Variants in MAPK14 observed in about 807,000 individuals in gnomAD.
MAPK14 encodes the protein CSAID-binding protein.
A neutral mutation model predicts 49.6 loss-of-function variants in MAPK14; 16 were observed. That is an observed-to-expected ratio of 0.32 (90% CI 0.22 to 0.49). The LOEUF (loss-of-function observed/expected upper bound fraction) is 0.49, where lower values mean the gene tolerates loss of function less well. Ranked by LOEUF, MAPK14 falls within the 20% of genes least tolerant of loss-of-function variation. MAPK14 has a pLI of 0.99. For missense variants in MAPK14, 200 were observed against 441.2 expected (o/e 0.45, Z 4.90); for synonymous variants, 142 against 158.0 (o/e 0.90, Z 0.76).
At chr6:36,038,376 G>A (rs1209738898) in intron 1 of MAPK14, among the ~76,000 whole-genome samples, 1 of 152,190 alleles carries the variant, frequency 6.6e-6, no homozygotes, top group African/African-American at 2.4e-5. Flanking sequence ...GCCAAATATA[G>A]GGAGAAAAGT....
At chr6:36,078,230 A>G (rs1764608233) in intron 8 of MAPK14, among the ~76,000 whole-genome samples, 2 of 152,212 alleles carry the variant, frequency 1.3e-5, no homozygotes, top group Admixed American at 1.3e-4. Context: ...TAATAATCAT[A>G]CATACTCACA....
At chr6:36,086,091 A>G (rs1764974532) in intron 8 of MAPK14, among the ~76,000 whole-genome samples, 1 of 152,224 alleles carries the variant, frequency 6.6e-6, no homozygotes, top group Non-Finnish European at 1.5e-5. Context: ...CGGAAATCAG[A>G]AGTTCTTTGA....
chr6:36,110,135 A>G lies in MAPK14; in HGVS notation c.*1688A>G, dbSNP rs914022905. On this transcript the variant is annotated 3_prime_UTR_variant, in exon 12 of 12. Transcript: ENST00000229794. ...TTCTACATGAGGACTCATATATTTA[A>G]GCCTTTTGTGTAATAAGAAAGTATA... The G allele has an allele frequency of 2.0e-5, 3 of 152,240 alleles. No homozygotes were observed. The highest frequency in any genetic ancestry group is 7.2e-5 in the African/African-American group (3 of 41,456). 9.4% of individuals were successfully genotyped at this position (152,240 alleles called of 1,614,324 possible). A position where few individuals can be genotyped will look rare whatever the true frequency, so the allele number is the denominator to read the frequency against.
intron 9 of MAPK14, chr6:36,097,410 C>T (rs1409853479): frequency 2.0e-5 from 3 of 152,074 alleles, no homozygotes; most frequent in Non-Finnish European, 4.4e-5. Flanking sequence ...TTTTTTTCTC[C>T]TTTATGATAT....
At chr6:36,073,381 A>G (rs1239426173) in intron 4 of MAPK14, among the ~76,000 whole-genome samples, 1 of 152,204 alleles carries the variant, frequency 6.6e-6, no homozygotes, top group Admixed American at 6.5e-5. Flanking sequence ...AGACTAATTT[A>G]TTTGTTGGAG....
chr6:36,073,830 A>G (rs1453612650), intron 5 of MAPK14, 110 bp downstream of exon 5: 1 of 1,174,788 alleles, frequency 8.5e-7, no homozygotes, highest in Non-Finnish European at 1.2e-6. Flanking sequence ...ATGTTGATTG[A>G]TTGCAACTTT....
chr6:36,059,371 C>T, intron 3 of MAPK14, 24 bp downstream of exon 3: 1 of 1,554,068 alleles, frequency 6.4e-7, no homozygotes, highest in Non-Finnish European at 8.9e-7. Flanking sequence ...TTGCATTTGC[C>T]TTCCTGGTCT....
chr6:36,045,981 A>C (rs1763164385), intron 1 of MAPK14, among the ~76,000 whole-genome samples: 2 of 152,176 alleles, frequency 1.3e-5, no homozygotes, highest in Admixed American at 6.5e-5. Context: ...TACATCAATA[A>C]ATTTAGAAGT....
Position 36,039,007 on chromosome 6 carries a change from C to G in MAPK14, c.116+10734C>G, listed in dbSNP as rs567811908. On this transcript the variant is annotated intron_variant, in intron 1 of 11. Coordinates refer to ENST00000229794, the MANE Select transcript of MAPK14 (RefSeq NM_139012.3). The stretch of plus-strand genomic sequence containing the variant: ...TGCTTTACATTCCTCTGCCTTTTCC[C>G]CATTATAATACTTTTAGTAGAGGTT... Among the ~76,000 whole-genome samples the G allele has an allele frequency of 7.9e-5, 12 of 152,200 alleles. No individual in the cohort carries two copies. In the South Asian group the frequency reaches 2.5e-3, roughly 32 times the overall value.
rs527562570 is a variant in MAPK14 at position 36,107,792 on chromosome 6, C to G, written c.1015+164C>G. Among the ~76,000 whole-genome samples the G allele has an allele frequency of 6.6e-6, 1 of 152,364 alleles. No individual in the cohort carries two copies. Among genetic ancestry groups the G allele is most frequent in the South Asian group, 2.1e-4 (1 of 4,832 alleles). On this transcript the variant is annotated intron_variant, in intron 11 of 11. Transcript: ENST00000229794. The surrounding 1 kb of genome is among the most constrained non-coding windows in gnomAD (Gnocchi z 4.3). ...AAACTGTTGTAGACAGTGATACTCT[C>G]TGGACCTTTGAGATACTTATGTCTG...
intron 1 of MAPK14, among the ~76,000 whole-genome samples, chr6:36,039,794 C>T (rs904013849): frequency 9.2e-5 from 14 of 152,006 alleles, no homozygotes; most frequent in African/African-American, 3.4e-4. Context: ...CACTTGAGGT[C>T]AGGAGTTTGA....
chr6:36,081,456 C>T (rs534740591), intron 8 of MAPK14, among the ~76,000 whole-genome samples: 38 of 152,278 alleles, frequency 2.5e-4, no homozygotes, highest in African/African-American at 7.9e-4. Context: ...CTTCCCCCAT[C>T]GAATCAACAT....
intron 9 of MAPK14, chr6:36,096,963 T>C (rs1765466493): frequency 6.6e-6 from 1 of 152,246 alleles, no homozygotes; most frequent in East Asian, 1.9e-4. Context: ...AAAAGAGCTA[T>C]GGAGCCAAGC....
At chr6:36,044,533 C>T (rs1365197811) in intron 1 of MAPK14, among the ~76,000 whole-genome samples, 1 of 152,058 alleles carries the variant, frequency 6.6e-6, no homozygotes, top group Non-Finnish European at 1.5e-5. Context: ...GTCAGGTGCC[C>T]ATCATGGAAT....
chr6:36,090,527 C>CTTTT (rs576947380), intron 8 of MAPK14, among the ~76,000 whole-genome samples: 1 of 136,322 alleles, frequency 7.3e-6, no homozygotes, highest in African/African-American at 2.8e-5. Context: ...CCCTCTCTCT[C>CTTTT]TTTTTTTTTT....
rs748899477 is a variant in MAPK14 at position 36,075,826 on chromosome 6, CTG to C, written c.496-20_496-19del. On this transcript the variant is annotated intron_variant, in intron 6 of 11. Transcript: ENST00000229794. ...CTGTTTCTAAGTCTTAGCAGTTTGT[CTG>C]TTCCTCTTCTGCCCTTTAGATTCTG... The C allele has an allele frequency of 6.2e-6, 10 of 1,612,896 alleles. No individual in the cohort carries two copies. The South Asian group carries it at 9.9e-5, about 16-fold the overall frequency.
chr6:36,036,393 A>G (rs1762753108), intron 1 of MAPK14, among the ~76,000 whole-genome samples: 1 of 152,230 alleles, frequency 6.6e-6, no homozygotes, highest in East Asian at 1.9e-4. Flanking sequence ...GGTTTAGAAT[A>G]TTACATAAAC....
intron 9 of MAPK14, among the ~76,000 whole-genome samples, chr6:36,101,481 G>A (rs1765635077): frequency 6.8e-6 from 1 of 147,980 alleles, no homozygotes; most frequent in South Asian, 2.1e-4. Context: ...ACTTGCCCAA[G>A]CAACCAGATT....
chr6:36,075,700 A>G (rs1764503673), intron 6 of MAPK14, 148 bp from the exon 7 acceptor site: 8 of 1,031,592 alleles, frequency 7.8e-6, no homozygotes, highest in South Asian at 2.8e-5. Flanking sequence ...CATTCTAAGT[A>G]TGGACCAGGA....
Sources: gnomAD v4.1 joint callset for allele counts (sites outside exome capture counted in the v4.1 genomes callset) on GRCh38, gnomAD v4.1.1 for gene constraint, Gnocchi (gnomAD v3.1) non-coding constraint, MANE v1.5 for transcripts, NCBI Gene and HGNC (gene_info 2026-07-23, HGNC 2026-07-21) for gene names.